The following CSMD1 variants were observed in gnomAD, a reference collection of about 807,000 sequenced individuals.
CSMD1 encodes CUB and Sushi multiple domains 1.
In CSMD1, 213 loss-of-function variants were observed where a neutral mutation model predicts 417.5. The ratio of observed to expected loss-of-function variants is 0.51; its 90% confidence interval spans 0.46 to 0.57. The LOEUF is 0.57. Ranked by LOEUF, CSMD1 falls within the 20% of genes least tolerant of loss-of-function variation. The pLI, the probability that CSMD1 is intolerant of heterozygous loss-of-function variation, is 0.00. For synonymous variants in CSMD1, 2,862 were observed against 1,736.8 expected (o/e 1.65, Z -16.11); for missense variants, 6,923 against 4,529.7 (o/e 1.53, Z -15.17).
At chr8:3,924,210 A>C (rs1373916574) in intron 5 of CSMD1, among the ~76,000 whole-genome samples, 1 of 152,100 alleles carries the variant, frequency 6.6e-6, no homozygotes, top group African/African-American at 2.4e-5. Context: ...GGATATATCG[A>C]TCCATTTTTT....
At chr8:4,020,502 T>C (rs1796736617) in intron 4 of CSMD1, among the ~76,000 whole-genome samples, 1 of 152,200 alleles carries the variant, frequency 6.6e-6, no homozygotes, top group Non-Finnish European at 1.5e-5. Flanking sequence ...GGTCCAGATC[T>C]CACCTCTACT....
intron 3 of CSMD1, among the ~76,000 whole-genome samples, chr8:4,191,914 G>T (rs554865673): frequency 6.6e-6 from 1 of 152,172 alleles, no homozygotes; most frequent in Non-Finnish European, 1.5e-5. Flanking sequence ...AAGAAAGTGA[G>T]CATTAGCACA....
chr8:3,597,916 C>T (rs974305315), intron 8 of CSMD1, among the ~76,000 whole-genome samples: 1 of 152,196 alleles, frequency 6.6e-6, no homozygotes, highest in Non-Finnish European at 1.5e-5. Context: ...AGCAAACCAA[C>T]ATGGCACATA....
At chr8:3,919,776 C>G (rs1584965022) in intron 5 of CSMD1, among the ~76,000 whole-genome samples, 1 of 152,056 alleles carries the variant, frequency 6.6e-6, no homozygotes, top group African/African-American at 2.4e-5. Context: ...CACAAGCTAT[C>G]TTTCCATTTG....
chr8:3,746,523 T>G (rs1438934139), intron 6 of CSMD1, among the ~76,000 whole-genome samples: 1 of 152,222 alleles, frequency 6.6e-6, no homozygotes, highest in African/African-American at 2.4e-5. Context: ...AATCAATACA[T>G]AAAAGTGCAC....
chr8:4,958,560 T>G (rs942089302), intron 1 of CSMD1, among the ~76,000 whole-genome samples: 1 of 152,194 alleles, frequency 6.6e-6, no homozygotes, highest in Non-Finnish European at 1.5e-5. Context: ...TTGAAATGAA[T>G]AGAAATTCTG....
At chr8:4,815,684 A>AAAG (rs1311750953) in intron 1 of CSMD1, among the ~76,000 whole-genome samples, 1 of 142,190 alleles carries the variant, frequency 7.0e-6, no homozygotes, top group Non-Finnish European at 1.5e-5. Context: ...CAACAAGACC[A>AAAG]AAGCTGTCTC....
intron 8 of CSMD1, among the ~76,000 whole-genome samples, chr8:3,603,350 T>A (rs915400537): frequency 1.3e-5 from 2 of 152,158 alleles, no homozygotes; most frequent in Non-Finnish European, 2.9e-5. Flanking sequence ...GTGAAAACAC[T>A]TTGGACAATG....
At chr8:3,655,074 T>C (rs1164419542) in intron 7 of CSMD1, among the ~76,000 whole-genome samples, 1 of 152,244 alleles carries the variant, frequency 6.6e-6, no homozygotes, top group African/African-American at 2.4e-5. Context: ...AAAGAATGTT[T>C]TTTAACCAAT....
chr8:4,666,369 A>G (rs1265191456), intron 1 of CSMD1, among the ~76,000 whole-genome samples: 1 of 152,192 alleles, frequency 6.6e-6, no homozygotes, highest in Non-Finnish European at 1.5e-5. Context: ...AGGCAGAGTC[A>G]GTGTGAAAGT....
At chr8:2,952,026 T>C (rs1802673035) in intron 65 of CSMD1, among the ~76,000 whole-genome samples, 1 of 152,222 alleles carries the variant, frequency 6.6e-6, no homozygotes, top group Admixed American at 6.5e-5. Context: ...TATTTCTTCT[T>C]GTTTTCACGG....
chr8:3,980,707 A>G (rs1410934670), intron 5 of CSMD1, among the ~76,000 whole-genome samples: 1 of 152,200 alleles, frequency 6.6e-6, no homozygotes, highest in Non-Finnish European at 1.5e-5. Flanking sequence ...TAAAAGAACG[A>G]TGTGACAAGA....
At chr8:3,621,896 G>C (rs557450710) in intron 7 of CSMD1, among the ~76,000 whole-genome samples, 1 of 151,784 alleles carries the variant, frequency 6.6e-6, no homozygotes, top group Admixed American at 6.6e-5. Flanking sequence ...GTAAGTTATC[G>C]TGTCCAACCA....
In CSMD1 at chr8:4,493,964, T is replaced by C. The variant is rs17070414; in HGVS notation, c.303-73899A>G. On this transcript the variant is annotated intron_variant, in intron 2 of 69. Transcript: ENST00000635120. The stretch of plus-strand genomic sequence containing the variant: ...TTGGTTAAAAAGGTCAACTTGGTTC[T>C]ACTGATTAACTTCAAATGCCTTAAG... Among the ~76,000 whole-genome samples the C allele has an allele frequency of 6.5e-3, 997 of 152,292 alleles. 10 individuals carry two copies. Among genetic ancestry groups the C allele is most frequent in the African/African-American group, 0.023 (966 of 41,566 alleles).
intron 3 of CSMD1, among the ~76,000 whole-genome samples, chr8:4,149,200 G>C (rs1285420085): frequency 6.6e-6 from 1 of 152,076 alleles, no homozygotes; most frequent in Non-Finnish European, 1.5e-5. Context: ...CTGACCTCAG[G>C]TGATCCGTCC....
chr8:4,128,007 T>G (rs1312526695), intron 3 of CSMD1, among the ~76,000 whole-genome samples: 1 of 152,198 alleles, frequency 6.6e-6, no homozygotes, highest in Non-Finnish European at 1.5e-5. Context: ...TGCTGTCACT[T>G]GAGCAAGTAC....
chr8:4,092,458 C>G (rs534638403), intron 3 of CSMD1, among the ~76,000 whole-genome samples: 192 of 152,192 alleles, frequency 1.3e-3, no homozygotes, highest in African/African-American at 4.5e-3. Context: ...TTATGACACT[C>G]TTATCTTTGG....
intron 7 of CSMD1, among the ~76,000 whole-genome samples, chr8:3,691,866 A>G (rs1800264467): frequency 6.6e-6 from 1 of 152,218 alleles, no homozygotes; most frequent in South Asian, 2.1e-4. Flanking sequence ...TTTCAGGCAG[A>G]ATTTGAATCT....
At chr8:3,493,478 G>C in intron 11 of CSMD1, 145 bp downstream of exon 11, 1 of 591,284 alleles carries the variant, frequency 1.7e-6, no homozygotes. Flanking sequence ...CATACAAAAT[G>C]AGATTGCAGG....
Sources: gnomAD v4.1 joint callset for allele counts (sites outside exome capture counted in the v4.1 genomes callset) on GRCh38, gnomAD v4.1.1 for gene constraint, MANE v1.5 for transcripts, NCBI Gene and HGNC (gene_info 2026-07-23, HGNC 2026-07-21) for gene names.